The following INTS4 variants were observed in gnomAD, a reference collection of about 807,000 sequenced individuals.
INTS4 encodes MSTP093.
In INTS4, 70 loss-of-function variants were observed where a neutral mutation model predicts 119.5. The observed-to-expected ratio is 0.59, with a 90% CI of 0.48 to 0.71. The LOEUF is 0.71. Among genes scored for constraint, INTS4 ranks in the 30% least tolerant of loss-of-function variants. The pLI is 0.00. For synonymous variants in INTS4, 316 were observed against 419.6 expected (o/e 0.75, Z 3.02); for missense variants, 867 against 1,173.2 (o/e 0.74, Z 3.81).
intron 22 of INTS4, among the ~76,000 whole-genome samples, chr11:77,882,088 A>G (rs934737683): frequency 2.0e-5 from 3 of 151,868 alleles, no homozygotes; most frequent in Non-Finnish European, 2.9e-5. Flanking sequence ...ACTTTTTTAT[A>G]TATCTATTGT....
chr11:77,957,565 T>C (rs1954360520), intron 7 of INTS4, among the ~76,000 whole-genome samples: 1 of 150,902 alleles, frequency 6.6e-6, no homozygotes, highest in African/African-American at 2.4e-5. Context: ...AAAAAGTACG[T>C]AACCCACCAA....
intron 18 of INTS4, among the ~76,000 whole-genome samples, chr11:77,897,695 C>T (rs1952590737): frequency 2.0e-5 from 3 of 150,866 alleles, no homozygotes; most frequent in Non-Finnish European, 2.9e-5. Flanking sequence ...TTAGTAGAGA[C>T]GGGGTTTCAC....
At chr11:77,937,838 T>C (rs1953836525) in intron 10 of INTS4, among the ~76,000 whole-genome samples, 1 of 150,572 alleles carries the variant, frequency 6.6e-6, no homozygotes, top group Non-Finnish European at 1.5e-5. Flanking sequence ...TTTATTTATT[T>C]ATTTATTTAT....
intron 11 of INTS4, among the ~76,000 whole-genome samples, chr11:77,925,773 G>C (rs1368281024): frequency 2.6e-5 from 4 of 152,142 alleles, no homozygotes; most frequent in Admixed American, 2.6e-4. Flanking sequence ...TTCTCACTGT[G>C]GTTCACTCCT....
At chr11:77,886,004 G>A (rs1467325108) in intron 21 of INTS4, among the ~76,000 whole-genome samples, 6 of 151,794 alleles carry the variant, frequency 4.0e-5, no homozygotes, top group African/African-American at 9.7e-5. Flanking sequence ...AGTTTAAGAC[G>A]AGACTGGGCA....
intron 1 of INTS4, among the ~76,000 whole-genome samples, chr11:77,993,867 G>C (rs1856795239): frequency 6.6e-6 from 1 of 151,930 alleles, no homozygotes; most frequent in Admixed American, 6.6e-5. Context: ...AACGTCCCCA[G>C]GTAATTTGTA....
At chr11:77,919,406 C>T (rs779950424) in intron 14 of INTS4, among the ~76,000 whole-genome samples, 1 of 152,072 alleles carries the variant, frequency 6.6e-6, no homozygotes, top group Non-Finnish European at 1.5e-5. Flanking sequence ...CTTGCCTCAG[C>T]CTCCTGAGTA....
At chr11:77,970,193 T>G (rs968476914) in intron 4 of INTS4, among the ~76,000 whole-genome samples, 10 of 151,794 alleles carry the variant, frequency 6.6e-5, no homozygotes, top group Admixed American at 5.9e-4. Flanking sequence ...GGTCAAGAGC[T>G]CGAGACCAGG....
At chr11:77,979,188 T>C in intron 3 of INTS4, 86 bp from the exon 4 acceptor site, 3 of 746,440 alleles carry the variant, frequency 4.0e-6, no homozygotes, top group Non-Finnish European at 7.2e-6. Flanking sequence ...GAATGTAGAT[T>C]GGCTAGGCGC....
intron 4 of INTS4, among the ~76,000 whole-genome samples, chr11:77,975,277 A>G (rs1043021580): frequency 6.6e-6 from 1 of 151,474 alleles, no homozygotes; most frequent in Admixed American, 6.6e-5. Context: ...ATCATTTTCT[A>G]TTTTATTCAT....
At chr11:77,971,473 C>A (rs957430004) in intron 4 of INTS4, among the ~76,000 whole-genome samples, 7 of 151,800 alleles carry the variant, frequency 4.6e-5, no homozygotes, top group Non-Finnish European at 7.4e-5. Flanking sequence ...ACAGTGAAAC[C>A]CCGTCTCTAC....
intron 16 of INTS4, among the ~76,000 whole-genome samples, chr11:77,907,256 T>C (rs1215264087): frequency 6.6e-6 from 1 of 152,166 alleles, no homozygotes; most frequent in Non-Finnish European, 1.5e-5. Context: ...AATTTTCTTG[T>C]AGAGATGAGG....
rs144227709 is a variant in INTS4 at position 77,991,149 on chromosome 11, C to A, written c.205G>T (p.Val69Leu). Residue 69 changes from valine (V) to leucine (L), a missense_variant, in exon 2 of 23, where the codon GTA becomes TTA. This residue lies in a region of INTS4 where 224 missense variants were observed against 231.8 expected (regional missense o/e 0.97). Coordinates refer to ENST00000534064, the MANE Select transcript of INTS4 (RefSeq NM_033547.4). ...AAGAGAATCCTGACTACTCCCTCTA[C>A]GCTTTCCGCCTCGACAGGCTTCCTG... Reference protein sequence around the residue: ...FARKPVEAESVEGVVRILLEH... With the variant: ...FARKPVEAESLEGVVRILLEH... 1.9e-6 allele frequency: 3 copies of A among 1,614,182 alleles called. No individual in the cohort carries two copies. The highest frequency in any genetic ancestry group is 2.5e-6 in the Non-Finnish European group (3 of 1,180,024).
At chr11:77,878,187 C>A (rs1163246140), downstream of INTS4, among the ~76,000 whole-genome samples, 2 of 151,810 alleles carry the variant, frequency 1.3e-5, no homozygotes, top group African/African-American at 2.4e-5. Flanking sequence ...ATGGTGAAAC[C>A]CCGTCTCTAC....
At chr11:77,938,526 T>G in intron 10 of INTS4, 125 bp downstream of exon 10, 6 of 1,122,930 alleles carry the variant, frequency 5.3e-6, no homozygotes, top group Non-Finnish European at 7.4e-6. Flanking sequence ...ATAAAAAGCA[T>G]AGTAAGTACT....
chr11:77,928,072 C>A (rs1953552573), intron 11 of INTS4, among the ~76,000 whole-genome samples: 1 of 152,178 alleles, frequency 6.6e-6, no homozygotes, highest in South Asian at 2.1e-4. Flanking sequence ...TACAGCACTT[C>A]CTCCTTCTTC....
intron 10 of INTS4, among the ~76,000 whole-genome samples, chr11:77,935,146 A>G (rs1335599594): frequency 2.0e-5 from 3 of 152,226 alleles, no homozygotes; most frequent in African/African-American, 4.8e-5. Context: ...TAGGATGTCT[A>G]TTACAAGATG....
rs913261495 is a variant in INTS4 at position 77,947,315 on chromosome 11, A to G, written c.919-6064T>C. Among the ~76,000 whole-genome samples, 6 of 152,344 alleles carry G rather than the reference A, an allele frequency of 3.9e-5. No individual in the cohort carries two copies. The East Asian group carries it at 1.2e-3, about 29-fold the overall frequency. ...CCAGATTCAGGAAGTTCAAAGGTTC[A>G]CAATTACATTCAACCCAAAAAGATC... On this transcript the variant is annotated intron_variant, in intron 8 of 22. Coordinates refer to ENST00000534064, the MANE Select transcript of INTS4 (RefSeq NM_033547.4).
At chr11:77,884,807 T>C (rs1227157898) in intron 21 of INTS4, 1 of 408,368 alleles carries the variant, frequency 2.4e-6, no homozygotes. Flanking sequence ...CAGGCTGGAG[T>C]GCAGTGGCAC....
Sources: allele counts gnomAD v4.1 joint callset (sites outside exome capture counted in the v4.1 genomes callset), GRCh38; gene constraint gnomAD v4.1.1; regional missense constraint gnomAD v4.1.1; transcripts MANE v1.5; gene names NCBI Gene and HGNC (gene_info 2026-07-23, HGNC 2026-07-21).